The following TAF1 variants were observed in gnomAD, a reference collection of about 807,000 sequenced individuals.
TAF1 encodes TATA-box binding protein associated factor 1.
Under a neutral mutation model 138.5 loss-of-function variants are expected in TAF1, and 2 were observed. That is an observed-to-expected ratio of 0.01 (90% CI 0.01 to 0.05). The LOEUF is 0.05. Among genes scored for constraint, TAF1 ranks in the 10% least tolerant of loss-of-function variants. The pLI, the probability that TAF1 is intolerant of heterozygous loss-of-function variation, is 1.00. For missense variants in TAF1, 709 were observed against 1,478.0 expected (o/e 0.48, Z 8.53); for synonymous variants, 437 against 503.2 (o/e 0.87, Z 1.76).
intron 28 of TAF1, among the ~76,000 whole-genome samples, chrX:71,410,885 C>T (rs2035749960): frequency 9.0e-6 from 1 of 111,520 alleles, no homozygotes; most frequent in Non-Finnish European, 1.9e-5. Flanking sequence ...TGTGTTCAAG[C>T]GATTCTCCTG....
chrX:71,452,421 C>T (rs1333197438), intron 32 of TAF1, among the ~76,000 whole-genome samples: 1 of 110,065 alleles, frequency 9.1e-6, no homozygotes, highest in East Asian at 2.9e-4. Flanking sequence ...ACATCCCAGA[C>T]GGGGTGGCGG....
intron 14 of TAF1, chrX:71,528,736 C>T (rs975318309): frequency 6.1e-6 from 2 of 326,442 alleles, no homozygotes; most frequent in South Asian, 2.7e-5. Context: ...GTGAGTGTTA[C>T]AGCTCTTTAA....
chrX:71,385,399 C>T (rs746062109), intron 14 of TAF1, among the ~76,000 whole-genome samples: 1 of 111,804 alleles, frequency 8.9e-6, no homozygotes, highest in South Asian at 3.7e-4. Context: ...ATTTTGATCA[C>T]ATTAGCTGTG....
rs939934064 is a variant in TAF1, at chrX:71,458,358, G to A, written c.5056G>A (p.Val1686Ile). Residue 1686 changes from valine (V) to isoleucine (I), a missense_variant, in exon 35 of 38, where the codon GTA becomes ATA. Physicochemically the swap from Val to Ile is conservative, Grantham distance 29. Coordinates refer to ENST00000423759, the MANE Select transcript of TAF1 (RefSeq NM_004606.5). ...TCCCAGTGCCACTCCAGAAAAGCAG[G>A]TAACACAGGTAGGATGTTCTTTTTC... ...DIPSATPEKQ[V>I]TQEGEDGDGD... The A allele has an allele frequency of 1.7e-6, 2 of 1,209,086 alleles. No individual in the cohort carries two copies. Among genetic ancestry groups the A allele is most frequent in the African/African-American group, 3.5e-5 (2 of 57,310 alleles).
At chrX:71,469,174 A>G (rs1470131587), downstream of TAF1, among the ~76,000 whole-genome samples, 1 of 110,714 alleles carries the variant, frequency 9.0e-6, no homozygotes, top group Non-Finnish European at 1.9e-5. Context: ...GTGTGGTGGC[A>G]TGTGCTTGTA....
chrX:71,516,315 G>T (rs2039824599), intron 13 of TAF1, among the ~76,000 whole-genome samples: 1 of 101,218 alleles, frequency 9.9e-6, no homozygotes, highest in Non-Finnish European at 2.0e-5. Flanking sequence ...CAAGCAATCT[G>T]CCAGCCTCGG....
chrX:71,444,671 C>T (rs2037598296), intron 32 of TAF1, among the ~76,000 whole-genome samples: 1 of 111,294 alleles, frequency 9.0e-6, no homozygotes, highest in African/African-American at 3.3e-5. Context: ...CAAGGCTGAC[C>T]CAGGAGGTCA....
intron 28 of TAF1, among the ~76,000 whole-genome samples, chrX:71,411,303 A>G (rs1395025185): frequency 9.0e-6 from 1 of 111,047 alleles, no homozygotes; most frequent in African/African-American, 3.3e-5. Flanking sequence ...GCTGGTCTTG[A>G]ACTCCTGGCC....
intron 28 of TAF1, among the ~76,000 whole-genome samples, chrX:71,408,602 C>T (rs1052833336): frequency 3.6e-5 from 4 of 111,847 alleles, no homozygotes; most frequent in African/African-American, 9.7e-5. Context: ...CCACTGCGCC[C>T]GGCCTAATGT....
intron 35 of TAF1, chrX:71,459,019 TA>T: frequency 2.8e-6 from 1 of 359,451 alleles, no homozygotes; most frequent in Non-Finnish European, 4.6e-6. Flanking sequence ...TTGAGCTGTC[TA>T]AACAGCCCCC....
At chrX:71,476,674 C>CA (rs1244586237) in intron 13 of TAF1, among the ~76,000 whole-genome samples, 1 of 107,832 alleles carries the variant, frequency 9.3e-6, no homozygotes, top group African/African-American at 3.4e-5. Flanking sequence ...AAAAAAAAGA[C>CA]ATTTTAAAGC....
chrX:71,411,116 C>T (rs989103821), intron 28 of TAF1, among the ~76,000 whole-genome samples: 10 of 110,791 alleles, frequency 9.0e-5, no homozygotes, highest in African/African-American at 3.3e-4. Flanking sequence ...CACTCTGTCA[C>T]CCAGGCTGGA....
intron 1 of TAF1, among the ~76,000 whole-genome samples, chrX:71,367,295 C>A (rs182399475): frequency 1.8e-5 from 2 of 112,552 alleles, no homozygotes; most frequent in Admixed American, 1.9e-4. Flanking sequence ...ATGCAGTTGG[C>A]TGTGGTGCTT....
chrX:71,495,250 G>T (rs1428121341), intron 13 of TAF1, among the ~76,000 whole-genome samples: 1 of 111,746 alleles, frequency 8.9e-6, no homozygotes, highest in Non-Finnish European at 1.9e-5. Flanking sequence ...AGGGGTCCTC[G>T]GTAGAAGTTG....
chrX:71,422,469 C>G (rs1391615129), intron 29 of TAF1, among the ~76,000 whole-genome samples: 1 of 108,091 alleles, frequency 9.3e-6, no homozygotes, highest in Non-Finnish European at 1.9e-5. Flanking sequence ...GCGTGTGCCA[C>G]CACGCCCAGC....
intron 22 of TAF1, among the ~76,000 whole-genome samples, chrX:71,395,102 A>G (rs1268601717): frequency 8.9e-6 from 1 of 111,852 alleles, no homozygotes; most frequent in Non-Finnish European, 1.9e-5. Context: ...GGGTGGGAAT[A>G]ATAAAGACCT....
At position 71,377,105 on chromosome X, in the gene TAF1, C is replaced by A. The variant is rs1158054655; in HGVS notation, c.628C>A (p.Leu210Ile). Residue 210 changes from leucine (L) to isoleucine (I), a missense_variant, in exon 5 of 38, where the codon CTT (leucine) becomes ATT (isoleucine). Physicochemically the swap from Leu to Ile is conservative, Grantham distance 5. Transcript: ENST00000423759. ...QAESEDGKLT[L>I]PLAGIMQHDA... The stretch of plus-strand genomic sequence containing the variant: ...AGAATCTGAAGATGGAAAGCTGACC[C>A]TTCCATTGGCTGGGATTATGCAGCA... 1 of 1,211,626 alleles carries A rather than the reference C, an allele frequency of 8.3e-7. No homozygotes were observed.
In TAF1 at chrX:71,393,640, C is replaced by G. The variant is rs5937087; in HGVS notation, c.3227+164C>G. 9.6e-3 allele frequency among the ~76,000 whole-genome samples: 1,069 copies of G among 111,165 alleles called. 7 individuals carry two copies. Among genetic ancestry groups the G allele is most frequent in the Non-Finnish European group, 0.018 (935 of 52,996 alleles). ...GTTTGTAATCCCACCACCAGATTACCTATTCCCTTCAACCCAACTTGGCAA... is the reference window on the plus strand; with the variant it reads ...GTTTGTAATCCCACCACCAGATTACGTATTCCCTTCAACCCAACTTGGCAA... On this transcript the variant is annotated intron_variant, in intron 21 of 37. Coordinates refer to ENST00000423759, the MANE Select transcript of TAF1 (RefSeq NM_004606.5).
chrX:71,386,125 C>T (rs1471401632), intron 14 of TAF1, among the ~76,000 whole-genome samples: 2 of 106,965 alleles, frequency 1.9e-5, no homozygotes, highest in South Asian at 4.2e-4. Context: ...CGCGCCATTG[C>T]ACTCCAGCCT....
Sources: allele counts gnomAD v4.1 joint callset (sites outside exome capture counted in the v4.1 genomes callset), GRCh38; gene constraint gnomAD v4.1.1; transcripts MANE v1.5; gene names NCBI Gene and HGNC (gene_info 2026-07-23, HGNC 2026-07-21).